The following TBL1XR1 variants were observed in gnomAD, a reference collection of about 807,000 sequenced individuals.
TBL1XR1 encodes TBL1X/Y related 1.
A neutral mutation model predicts 66.9 loss-of-function variants in TBL1XR1; 5 were observed. The ratio of observed to expected loss-of-function variants is 0.07; its 90% CI spans 0.04 to 0.16. The LOEUF (loss-of-function observed/expected upper bound fraction) is 0.16, where lower values mean the gene tolerates loss of function less well. Ranked by LOEUF, TBL1XR1 falls within the 10% of genes least tolerant of loss-of-function variation. The pLI is 1.00. For synonymous variants in TBL1XR1, 210 were observed against 206.0 expected, an observed-to-expected ratio of 1.02 and a Z score of -0.17; for missense variants, 238 against 623.2, an observed-to-expected ratio of 0.38 and a Z score of 6.58.
intron 1 of TBL1XR1, among the ~76,000 whole-genome samples, chr3:177,133,874 C>T (rs77247617): frequency 0.27 from 28,614 of 106,454 alleles, 3,480 homozygotes; most frequent in East Asian, 0.54. Context: ...AGACTCCTAT[C>T]TCAAAAAAAA....
intron 1 of TBL1XR1, among the ~76,000 whole-genome samples, chr3:177,147,552 G>A (rs574073368): frequency 5.3e-5 from 8 of 152,242 alleles, no homozygotes; most frequent in African/African-American, 1.4e-4. Context: ...AACAGACAGC[G>A]CAAAATGTAT....
chr3:177,114,355 G>A (rs1298413425), intron 1 of TBL1XR1, among the ~76,000 whole-genome samples: 2 of 151,882 alleles, frequency 1.3e-5, no homozygotes, highest in African/African-American at 4.8e-5. Context: ...CCAGGCTAGA[G>A]TACAGCAGTG....
intron 1 of TBL1XR1, among the ~76,000 whole-genome samples, chr3:177,155,128 C>T (rs1731338984): frequency 6.6e-6 from 1 of 152,110 alleles, no homozygotes; most frequent in Non-Finnish European, 1.5e-5. Context: ...ACCTTAAGGG[C>T]ACTATTTCAC....
At chr3:177,162,279 G>A (rs1732309148) in intron 1 of TBL1XR1, among the ~76,000 whole-genome samples, 1 of 152,192 alleles carries the variant, frequency 6.6e-6, no homozygotes, top group South Asian at 2.1e-4. Context: ...ATGAAGCACA[G>A]ATTTACATGA....
chr3:177,071,670 G>T (rs1241746492), intron 2 of TBL1XR1, among the ~76,000 whole-genome samples: 1 of 152,144 alleles, frequency 6.6e-6, no homozygotes, highest in East Asian at 1.9e-4. Flanking sequence ...CAAATCGAGT[G>T]AAGACGATGC....
intron 1 of TBL1XR1, among the ~76,000 whole-genome samples, chr3:177,168,884 T>C (rs1448927795): frequency 1.3e-5 from 2 of 152,222 alleles, no homozygotes; most frequent in African/African-American, 4.8e-5. Flanking sequence ...TTTTCCATAA[T>C]AGGAAAATAC....
At chr3:177,117,621 T>C (rs1033982942) in intron 1 of TBL1XR1, among the ~76,000 whole-genome samples, 1 of 152,178 alleles carries the variant, frequency 6.6e-6, no homozygotes, top group African/African-American at 2.4e-5. Context: ...GCTCTATAAA[T>C]TCTATTAATA....
At chr3:177,192,258 T>C (rs376164146) in intron 1 of TBL1XR1, among the ~76,000 whole-genome samples, 2 of 151,820 alleles carry the variant, frequency 1.3e-5, no homozygotes, top group Admixed American at 1.3e-4. Flanking sequence ...TGGTGGCGCA[T>C]GCCTATAATC....
intron 10 of TBL1XR1, 101 bp from the exon 11 acceptor site, chr3:177,038,535 G>A: frequency 2.7e-6 from 3 of 1,127,478 alleles, no homozygotes; most frequent in East Asian, 2.8e-5. Flanking sequence ...ATACTAACAG[G>A]CACTTAAACA....
chr3:177,161,525 G>A (rs1197592769), intron 1 of TBL1XR1, among the ~76,000 whole-genome samples: 2 of 152,172 alleles, frequency 1.3e-5, no homozygotes, highest in East Asian at 3.8e-4. Context: ...GCTCACGCCT[G>A]TAATCCTAGC....
At chr3:177,133,012 G>A (rs1418848203) in intron 1 of TBL1XR1, among the ~76,000 whole-genome samples, 1 of 152,204 alleles carries the variant, frequency 6.6e-6, no homozygotes, top group Non-Finnish European at 1.5e-5. Context: ...GAATCGGCCA[G>A]GTGCGGTGGC....
At chr3:177,118,179 T>C (rs1726540670) in intron 1 of TBL1XR1, among the ~76,000 whole-genome samples, 1 of 152,228 alleles carries the variant, frequency 6.6e-6, no homozygotes, top group Non-Finnish European at 1.5e-5. Flanking sequence ...TCCATGCGAA[T>C]ATAGAAGTTC....
intron 2 of TBL1XR1, among the ~76,000 whole-genome samples, chr3:177,097,658 A>G (rs1259976948): frequency 6.6e-6 from 1 of 152,234 alleles, no homozygotes; most frequent in Non-Finnish European, 1.5e-5. Flanking sequence ...TAAAATGATT[A>G]ATTATAACAG....
In TBL1XR1 at chr3:177,025,431, G is replaced by A. The variant is rs1712968933; in HGVS notation, c.*67C>T. On this transcript the variant is annotated 3_prime_UTR_variant, in exon 16 of 16. Transcript: ENST00000457928. The stretch of plus-strand genomic sequence containing the variant: ...TTCAAGTGGGACTATAGCAGTACAT[G>A]GGTCAGGGACAGTCATTTTGGCTAT... The A allele has an allele frequency of 2.6e-6, 4 of 1,546,638 alleles. No homozygotes were observed. The South Asian group carries it at 3.4e-5, about 13-fold the overall frequency.
chr3:177,163,678 T>A (rs1732486463), intron 1 of TBL1XR1, among the ~76,000 whole-genome samples: 2 of 152,092 alleles, frequency 1.3e-5, no homozygotes, highest in African/African-American at 4.8e-5. Context: ...ATATAAAATA[T>A]CTGGAAGGAT....
intron 2 of TBL1XR1, among the ~76,000 whole-genome samples, chr3:177,081,537 C>T (rs1721388812): frequency 1.3e-5 from 2 of 151,612 alleles, no homozygotes; most frequent in Admixed American, 1.3e-4. Context: ...ATCATTTGAG[C>T]CCAGGAGTTC....
intron 2 of TBL1XR1, among the ~76,000 whole-genome samples, chr3:177,068,512 A>G (rs975131021): frequency 6.6e-6 from 1 of 152,240 alleles, no homozygotes; most frequent in Non-Finnish European, 1.5e-5. Context: ...AAATATTACA[A>G]AAACACAGGA....
intron 1 of TBL1XR1, among the ~76,000 whole-genome samples, chr3:177,159,366 T>A (rs1480583515): frequency 6.6e-6 from 1 of 152,114 alleles, no homozygotes; most frequent in Non-Finnish European, 1.5e-5. Context: ...TTTTATAAAA[T>A]AAGGGCCCTC....
Position 177,023,658 on chromosome 3 carries a change from A to G in TBL1XR1, c.*1840T>C. The G allele has an allele frequency of 6.6e-6, 1 of 152,652 alleles. No homozygotes were observed. The allele number at this position is 152,652 out of a possible 1,614,324, so 9.5% of individuals were successfully genotyped here. A position where few individuals can be genotyped will look rare whatever the true frequency, so the allele number is the denominator to read the frequency against. On this transcript the variant is annotated 3_prime_UTR_variant, in exon 16 of 16. Transcript: ENST00000457928. Reference sequence around the variant, plus strand: ...CTTTACCAATAGCAAATGCTACCCTACCTTAGTAAAACCAAGACTTGCTTC... The same window carrying G: ...CTTTACCAATAGCAAATGCTACCCTGCCTTAGTAAAACCAAGACTTGCTTC...
Sources: allele counts gnomAD v4.1 joint callset (sites outside exome capture counted in the v4.1 genomes callset), GRCh38; gene constraint gnomAD v4.1.1; transcripts MANE v1.5; gene names NCBI Gene and HGNC (gene_info 2026-07-23, HGNC 2026-07-21).